Variants in NFATC3 observed in about 807,000 individuals in gnomAD.
The protein encoded by NFATC3 is nuclear factor of activated T-cells, cytoplasmic 3.
A neutral mutation model predicts 98.6 loss-of-function variants in NFATC3; 46 were observed. The observed-to-expected ratio is 0.47, with a 90% CI of 0.37 to 0.60. The LOEUF is 0.60. Ranked by LOEUF, NFATC3 falls within the 20% of genes least tolerant of loss-of-function variation. NFATC3 has a pLI of 0.00. For synonymous variants in NFATC3, 512 were observed against 472.2 expected (o/e 1.08, Z -1.09); for missense variants, 1,256 against 1,295.5 (o/e 0.97, Z 0.47).
At chr16:68,150,992 T>G (rs1159360711) in intron 3 of NFATC3, among the ~76,000 whole-genome samples, 2 of 152,310 alleles carry the variant, frequency 1.3e-5, no homozygotes, top group Admixed American at 1.3e-4. Flanking sequence ...CAATTAAACC[T>G]CTTTCCTTTA....
In NFATC3 at chr16:68,184,839, A is replaced by G. The variant is rs12445876; in HGVS notation, c.2098+1473A>G. 8.8e-5 allele frequency among the ~76,000 whole-genome samples: 10 copies of G among 113,298 alleles called. 1 individual carries two copies. The highest frequency in any genetic ancestry group is 3.2e-4 in the African/African-American group (10 of 31,508). The allele number at this position is 113,298 out of a possible 152,430, so 74.3% of individuals were successfully genotyped here. ...CAAACAAACAAACAAACAAACAAAA[A>G]ACACACAAATAGTTTTTGTAAAGAG... On this transcript the variant is annotated intron_variant, in intron 8 of 9. Transcript: ENST00000346183.
chr16:68,125,022 C>T (rs562971464), intron 2 of NFATC3, among the ~76,000 whole-genome samples: 2 of 152,158 alleles, frequency 1.3e-5, no homozygotes, highest in Admixed American at 6.6e-5. Flanking sequence ...TGAGCCACTG[C>T]GCCCGGCCAA....
At chr16:68,116,119 A>G (rs759243182) in intron 1 of NFATC3, among the ~76,000 whole-genome samples, 1 of 152,136 alleles carries the variant, frequency 6.6e-6, no homozygotes, top group South Asian at 2.1e-4. Context: ...ATGAATGAGC[A>G]TGGTTGTGTT....
chr16:68,206,285 T>C (rs986306083), intron 9 of NFATC3, among the ~76,000 whole-genome samples: 2 of 152,218 alleles, frequency 1.3e-5, no homozygotes, highest in Non-Finnish European at 2.9e-5. Flanking sequence ...TTTAAGTGTA[T>C]AGCTAAGTGG....
At chr16:68,216,533 C>CTTTTTTTTTTTTTT (rs869288708) in intron 9 of NFATC3, among the ~76,000 whole-genome samples, 1 of 145,348 alleles carries the variant, frequency 6.9e-6, no homozygotes. Context: ...AAGAGGTTTT[C>CTTTTTTTTTTTTTT]TTTTTTTTTT....
chr16:68,180,147 G>A (rs1409793326), intron 6 of NFATC3, among the ~76,000 whole-genome samples: 1 of 152,134 alleles, frequency 6.6e-6, no homozygotes, highest in Non-Finnish European at 1.5e-5. Context: ...TTTAAGCAGA[G>A]ACCATGAAGT....
At chr16:68,118,305 T>G (rs1465390118) in intron 1 of NFATC3, among the ~76,000 whole-genome samples, 1 of 152,202 alleles carries the variant, frequency 6.6e-6, no homozygotes, top group Non-Finnish European at 1.5e-5. Context: ...TTACCATTTT[T>G]AATTTGTGTT....
At chr16:68,159,990 A>G (rs2038812929) in intron 4 of NFATC3, among the ~76,000 whole-genome samples, 1 of 151,898 alleles carries the variant, frequency 6.6e-6, no homozygotes, top group Non-Finnish European at 1.5e-5. Context: ...AGGCAGGAGA[A>G]TTGCTTGAAC....
chr16:68,156,925 C>T (rs1029434841), intron 3 of NFATC3, among the ~76,000 whole-genome samples: 2 of 151,904 alleles, frequency 1.3e-5, no homozygotes, highest in Non-Finnish European at 2.9e-5. Flanking sequence ...GGTGACAGAG[C>T]GAGACACTGT....
At chr16:68,111,814 C>A (rs1287004327) in intron 1 of NFATC3, among the ~76,000 whole-genome samples, 1 of 152,132 alleles carries the variant, frequency 6.6e-6, no homozygotes, top group East Asian at 1.9e-4. Context: ...GTAAAGCAGA[C>A]CTGGTGGTGC....
intron 9 of NFATC3, chr16:68,225,678 G>C (rs1378993094): frequency 6.6e-6 from 1 of 152,214 alleles, no homozygotes; most frequent in African/African-American, 2.4e-5. Context: ...AGTGGAATTA[G>C]CATAGACTCT....
chr16:68,133,375 T>C (rs1288339406), intron 3 of NFATC3, among the ~76,000 whole-genome samples: 1 of 152,242 alleles, frequency 6.6e-6, no homozygotes, highest in Non-Finnish European at 1.5e-5. Flanking sequence ...ATACATTATA[T>C]ACATGTATCA....
chr16:68,141,920 TG>T (rs2037771650), intron 3 of NFATC3, among the ~76,000 whole-genome samples: 1 of 152,186 alleles, frequency 6.6e-6, no homozygotes, highest in African/African-American at 2.4e-5. Context: ...TAGGTTTTCC[TG>T]TAGGATTTTT....
At chr16:68,224,611 T>C (rs1013535791) in intron 9 of NFATC3, 4 of 141,090 alleles carry the variant, frequency 2.8e-5, no homozygotes, top group African/African-American at 8.0e-5. Context: ...GGAGTCTTGC[T>C]CTGTCTCCCT....
intron 9 of NFATC3, among the ~76,000 whole-genome samples, chr16:68,206,314 T>A (rs1299067446): frequency 6.6e-6 from 1 of 152,212 alleles, no homozygotes; most frequent in African/African-American, 2.4e-5. Flanking sequence ...ACATTCACAA[T>A]ATTGTATAAC....
chr16:68,121,593 A>G (rs1399836117), intron 1 of NFATC3, among the ~76,000 whole-genome samples: 3 of 150,958 alleles, frequency 2.0e-5, no homozygotes, highest in Non-Finnish European at 4.4e-5. Flanking sequence ...ACTTGAGCCT[A>G]GGATGGGAGG....
intron 1 of NFATC3, among the ~76,000 whole-genome samples, chr16:68,114,639 A>G (rs953091874): frequency 4.6e-5 from 7 of 150,944 alleles, no homozygotes; most frequent in Admixed American, 3.3e-4. Flanking sequence ...CTGTGGTGCA[A>G]TCTTGGCTCA....
At chr16:68,172,158 T>A (rs989953070) in intron 5 of NFATC3, among the ~76,000 whole-genome samples, 3 of 152,186 alleles carry the variant, frequency 2.0e-5, no homozygotes, top group Non-Finnish European at 4.4e-5. Context: ...TATGAAAGAA[T>A]TGATTATAAT....
At chr16:68,108,509 G>C (rs191700759) in intron 1 of NFATC3, among the ~76,000 whole-genome samples, 8 of 152,266 alleles carry the variant, frequency 5.3e-5, no homozygotes, top group African/African-American at 1.9e-4. Context: ...GTCGGGTAAC[G>C]TGATGCCTCT....
Sources: allele counts gnomAD v4.1 joint callset (sites outside exome capture counted in the v4.1 genomes callset), GRCh38; gene constraint gnomAD v4.1.1; transcripts MANE v1.5; gene names NCBI Gene and HGNC (gene_info 2026-07-23, HGNC 2026-07-21).